Variants in FER observed in about 807,000 individuals in gnomAD.
FER encodes the protein tyrosine-protein kinase Fer.
Under a neutral mutation model 111.0 loss-of-function variants are expected in FER, and 63 were observed. That is an observed-to-expected ratio of 0.57 (90% CI 0.46 to 0.70). The LOEUF (loss-of-function observed/expected upper bound fraction) is 0.70, where lower values mean the gene tolerates loss of function less well. Ranked by LOEUF, FER falls within the 30% of genes least tolerant of loss-of-function variation. The pLI, the probability that FER is intolerant of heterozygous loss-of-function variation, is 0.00. For missense variants in FER, 914 were observed against 954.0 expected, an observed-to-expected ratio of 0.96 and a Z score of 0.55; for synonymous variants, 327 against 313.9, an observed-to-expected ratio of 1.04 and a Z score of -0.44.
intron 16 of FER, among the ~76,000 whole-genome samples, chr5:109,083,219 A>G (rs959122626): frequency 6.6e-6 from 1 of 152,074 alleles, no homozygotes; most frequent in South Asian, 2.1e-4. Context: ...TTTGATATCT[A>G]TCCAAATATT....
intron 17 of FER, among the ~76,000 whole-genome samples, chr5:109,153,559 G>C (rs901564027): frequency 6.6e-6 from 1 of 151,888 alleles, no homozygotes; most frequent in Admixed American, 6.6e-5. Flanking sequence ...AGTGGGAAGA[G>C]TGAGCACCAG....
At chr5:109,046,535 TATTAA>T (rs1172230503) in intron 15 of FER, among the ~76,000 whole-genome samples, 4 of 152,124 alleles carry the variant, frequency 2.6e-5, no homozygotes, top group Non-Finnish European at 4.4e-5. Flanking sequence ...TTTAAAAGAA[TATTAA>T]ATTAAGGAGA....
At position 109,068,171 on chromosome 5, in the gene FER, C is replaced by T. The variant is rs554907604; in HGVS notation, c.1924+20973C>T. Among the ~76,000 whole-genome samples, 22 of 150,476 alleles carry T rather than the reference C, an allele frequency of 1.5e-4. No individual in the cohort carries two copies. In the South Asian group the frequency reaches 4.0e-3, roughly 27 times the overall value. On this transcript the variant is annotated intron_variant, in intron 16 of 19. Transcript: ENST00000281092. ...TGCTCCCAAAGCATTTAGGTCCACT[C>T]AGTCATCTCTTTTTTTTTTTTCATT...
intron 2 of FER, among the ~76,000 whole-genome samples, chr5:108,786,036 G>T (rs1041586123): frequency 1.3e-5 from 2 of 152,176 alleles, no homozygotes; most frequent in Non-Finnish European, 2.9e-5. Context: ...TCTAATTTCA[G>T]TTTCTGTGGC....
chr5:109,046,346 A>AAT (rs145546640), intron 15 of FER, among the ~76,000 whole-genome samples: 118 of 149,894 alleles, frequency 7.9e-4, no homozygotes, highest in East Asian at 1.6e-3. Context: ...TGTGTTAAAA[A>AAT]ATATATATAT....
chr5:109,185,838 A>G (rs928857445), intron 18 of FER, among the ~76,000 whole-genome samples: 1 of 152,232 alleles, frequency 6.6e-6, no homozygotes, highest in African/African-American at 2.4e-5. Context: ...GTCGTTACGC[A>G]GTTTCATCAT....
intron 13 of FER, among the ~76,000 whole-genome samples, chr5:108,968,402 A>G (rs1021847209): frequency 1.3e-5 from 2 of 152,148 alleles, no homozygotes; most frequent in African/African-American, 4.8e-5. Flanking sequence ...AAAAAGAAAA[A>G]AAATTACCTG....
intron 12 of FER, among the ~76,000 whole-genome samples, chr5:108,958,489 C>T (rs1275922327): frequency 6.6e-6 from 1 of 151,624 alleles, no homozygotes; most frequent in Admixed American, 6.6e-5. Context: ...ATATGACAAC[C>T]TACTCATAGG....
At chr5:108,991,211 A>G (rs1179117034) in intron 13 of FER, among the ~76,000 whole-genome samples, 1 of 151,956 alleles carries the variant, frequency 6.6e-6, no homozygotes, top group Non-Finnish European at 1.5e-5. Context: ...GTATATGTGT[A>G]TATACGCACA....
At chr5:109,006,264 A>G (rs1476727860) in intron 13 of FER, among the ~76,000 whole-genome samples, 1 of 152,214 alleles carries the variant, frequency 6.6e-6, no homozygotes, top group Non-Finnish European at 1.5e-5. Flanking sequence ...CTTGAATTGT[A>G]GCTGCCATAA....
chr5:108,931,211 G>T (rs547583706), intron 10 of FER, among the ~76,000 whole-genome samples: 2 of 152,044 alleles, frequency 1.3e-5, no homozygotes, highest in African/African-American at 4.8e-5. Flanking sequence ...TTCTAAGCAG[G>T]TTAGTATTCT....
intron 13 of FER, among the ~76,000 whole-genome samples, chr5:109,028,545 A>G (rs998848952): frequency 5.4e-4 from 82 of 152,190 alleles, no homozygotes; most frequent in African/African-American, 1.9e-3. Context: ...TCAGACATAT[A>G]TGGGTTCAAA....
At chr5:108,902,557 A>T (rs1017836193) in intron 10 of FER, among the ~76,000 whole-genome samples, 2 of 152,180 alleles carry the variant, frequency 1.3e-5, no homozygotes, top group East Asian at 1.9e-4. Flanking sequence ...AGTATATGGG[A>T]TGCAGTGTTT....
chr5:109,133,349 A>C (rs1024936589), intron 17 of FER, among the ~76,000 whole-genome samples: 1 of 152,192 alleles, frequency 6.6e-6, no homozygotes, highest in African/African-American at 2.4e-5. Flanking sequence ...TTAAAATTCA[A>C]CTTGCAGCAG....
At chr5:109,106,778 C>A (rs1306590298) in intron 17 of FER, among the ~76,000 whole-genome samples, 1 of 152,118 alleles carries the variant, frequency 6.6e-6, no homozygotes, top group Non-Finnish European at 1.5e-5. Flanking sequence ...AAGGACTTTT[C>A]CCTAAAGACA....
At chr5:108,749,662 G>T (rs1283976952) in intron 1 of FER, among the ~76,000 whole-genome samples, 1 of 152,158 alleles carries the variant, frequency 6.6e-6, no homozygotes, top group African/African-American at 2.4e-5. Context: ...TTGGCCAGAG[G>T]TGTCCTCCAA....
At chr5:108,930,022 A>T (rs1754336470) in intron 10 of FER, among the ~76,000 whole-genome samples, 1 of 152,154 alleles carries the variant, frequency 6.6e-6, no homozygotes, top group Non-Finnish European at 1.5e-5. Flanking sequence ...AAGATATCTA[A>T]TAATTAGCTG....
chr5:108,905,127 C>T (rs1367882049), intron 10 of FER, among the ~76,000 whole-genome samples: 1 of 152,020 alleles, frequency 6.6e-6, no homozygotes, highest in Non-Finnish European at 1.5e-5. Context: ...CATTTCATAT[C>T]ACGTTAGCCA....
chr5:109,143,955 AG>A (rs1266154202), intron 17 of FER, among the ~76,000 whole-genome samples: 1 of 151,884 alleles, frequency 6.6e-6, no homozygotes, highest in African/African-American at 2.4e-5. Context: ...GAGGCAGACT[AG>A]GAGGCATCTT....
Sources: allele counts gnomAD v4.1 joint callset (sites outside exome capture counted in the v4.1 genomes callset), GRCh38; gene constraint gnomAD v4.1.1; transcripts MANE v1.5; gene names NCBI Gene and HGNC (gene_info 2026-07-23, HGNC 2026-07-21).